The following TDRD12 variants were observed in gnomAD, a reference collection of about 807,000 sequenced individuals.
TDRD12 encodes tudor domain containing 12.
In TDRD12, 158 loss-of-function variants were observed where a neutral mutation model predicts 133.5. The ratio of observed to expected loss-of-function variants is 1.18; its 90% confidence interval spans 1.04 to 1.35. The LOEUF (loss-of-function observed/expected upper bound fraction) is 1.35, where lower values mean the gene tolerates loss of function less well. Ranked by LOEUF, TDRD12 falls within the 40% of genes most tolerant of loss-of-function variation. The pLI, the probability that TDRD12 is intolerant of heterozygous loss-of-function variation, is 0.00. For missense variants in TDRD12, 1,443 were observed against 1,321.3 expected (o/e 1.09, Z -1.43); for synonymous variants, 460 against 477.9 (o/e 0.96, Z 0.49).
chr19:32,819,570 CTCCCACAGCCCCCTT>C (rs1191411345), intron 27 of TDRD12, among the ~76,000 whole-genome samples: 1 of 152,146 alleles, frequency 6.6e-6, no homozygotes. Context: ...TGTGTAAAGG[CTCCCACAGCCCCCTT>C]TCCCACTGTA....
chr19:32,819,375 C>T (rs1404304868), intron 27 of TDRD12, among the ~76,000 whole-genome samples: 6 of 151,098 alleles, frequency 4.0e-5, no homozygotes, highest in Non-Finnish European at 8.8e-5. Flanking sequence ...AGTTTTTTAC[C>T]TTAATAAAAA....
intron 11 of TDRD12, among the ~76,000 whole-genome samples, chr19:32,777,785 T>C (rs1599571949): frequency 8.9e-6 from 1 of 111,922 alleles, no homozygotes; most frequent in East Asian, 2.8e-4. Flanking sequence ...GCTGGGACCA[T>C]AGGCATGCAC....
chr19:32,802,693 C>G (rs754001972), exon 20 of TDRD12: 1 of 1,536,084 alleles, frequency 6.5e-7, no homozygotes, highest in African/African-American at 1.4e-5. Flanking sequence ...TGGCCATCAC[C>G]GATGCCACGT....
In TDRD12 at chr19:32,723,054, A is replaced by G. The variant is rs112987710; in HGVS notation, c.24+2958A>G. On this transcript the variant is annotated intron_variant, in intron 1 of 27. Transcript: ENST00000444215. Reference sequence around the variant, plus strand: ...ATATATGATCCGAGTTAATTTTTGTATATGGTGCAAGGAATGGATGAAGTT... The same window carrying G: ...ATATATGATCCGAGTTAATTTTTGTGTATGGTGCAAGGAATGGATGAAGTT... 4.7e-4 allele frequency among the ~76,000 whole-genome samples: 71 copies of G among 152,186 alleles called. 1 individual carries two copies. Among genetic ancestry groups the G allele is most frequent in the African/African-American group, 1.7e-3 (71 of 41,528 alleles).
intron 16 of TDRD12, among the ~76,000 whole-genome samples, chr19:32,799,475 G>A (rs759020256): frequency 1.2e-4 from 19 of 152,028 alleles, no homozygotes; most frequent in Non-Finnish European, 2.5e-4. Context: ...TATTTTTTAG[G>A]TTGAACATTA....
rs538621090 is a variant in TDRD12, at chr19:32,818,142, A to G, written c.3368A>G (p.Glu1123Gly). Residue 1123 changes from glutamate to glycine, a missense_variant, in exon 27 of 28, where the codon GAG (glutamate) becomes GGG (glycine). Glu to Gly is a moderately conservative substitution (Grantham distance 98). Coordinates refer to ENST00000444215, the Ensembl canonical transcript of TDRD12. ...CAAGACCAGGATCATCCATCCGAGG[A>G]GCAGGGGGGGCAGGGGTGAGTAAGA... 2.1e-4 allele frequency: 145 copies of G among 702,352 alleles called. No homozygotes were observed. In the African/African-American group the frequency reaches 2.4e-3, roughly 12 times the overall value. 43.5% of individuals were successfully genotyped at this position (702,352 alleles called of 1,614,324 possible). A position where few individuals can be genotyped will look rare whatever the true frequency, so the allele number is the denominator to read the frequency against.
chr19:32,823,714 GAA>G (rs1485402337), downstream of TDRD12, among the ~76,000 whole-genome samples: 1 of 152,226 alleles, frequency 6.6e-6, no homozygotes, highest in East Asian at 1.9e-4. Flanking sequence ...AAGAGTTCTG[GAA>G]AAGACAGTTT....
At chr19:32,777,149 T>C in exon 11 of TDRD12, 2 of 1,534,606 alleles carry the variant, frequency 1.3e-6, no homozygotes, top group Non-Finnish European at 1.8e-6. Context: ...TCATTTCTAG[T>C]GCTTTAAGTC....
chr19:32,827,243 T>C, exon 10 of TDRD12: 26 of 1,231,810 alleles, frequency 2.1e-5, no homozygotes, highest in Non-Finnish European at 2.6e-5. Context: ...ATGACGACAG[T>C]GAGAGTGAAA....
At chr19:32,792,613 A>G (rs1254047073) in intron 13 of TDRD12, among the ~76,000 whole-genome samples, 1 of 152,200 alleles carries the variant, frequency 6.6e-6, no homozygotes, top group African/African-American at 2.4e-5. Context: ...TTTCTGAAAA[A>G]TGGGATTTCT....
chr19:32,742,802 G>A (rs891751891), exon 4 of TDRD12: 16 of 1,551,678 alleles, frequency 1.0e-5, no homozygotes, highest in African/African-American at 6.8e-5. Context: ...TAGTAGAATC[G>A]TTTATGCAGC....
intron 11 of TDRD12, among the ~76,000 whole-genome samples, chr19:32,782,975 C>T (rs567128172): frequency 2.0e-5 from 3 of 152,316 alleles, no homozygotes; most frequent in Non-Finnish European, 4.4e-5. Context: ...TAATTAGATT[C>T]TATTTGTCAA....
Position 32,794,863 on chromosome 19 carries a change from T to A in TDRD12, c.1473+50T>A, listed in dbSNP as rs555070709. 334 of 682,494 alleles carry A rather than the reference T, an allele frequency of 4.9e-4. 1 individual carries two copies. The Middle Eastern group carries it at 1.0e-2, about 20-fold the overall frequency. The allele number at this position is 682,494 out of a possible 1,614,324, so 42.3% of individuals were successfully genotyped here. On this transcript the variant is annotated intron_variant, in intron 14 of 27. Coordinates refer to ENST00000444215, the Ensembl canonical transcript of TDRD12. ...ACAACCAAATGGGTTAAATATTTAT[T>A]TTAAAATTATACACCTCACCTTTGA...
Position 32,759,947 on chromosome 19 carries a change from C to T in TDRD12, c.865+2817C>T, listed in dbSNP as rs116119682. Among the ~76,000 whole-genome samples, 606 of 152,330 alleles carry T rather than the reference C, an allele frequency of 4.0e-3. 7 individuals carry two copies. The highest frequency in any genetic ancestry group is 0.014 in the African/African-American group (568 of 41,568). On this transcript the variant is annotated intron_variant, in intron 8 of 27. Transcript: ENST00000444215. ...AGCGCCTGGCCTGTGGCAGCCTCAG[C>T]GCATGTGGCCCCTGCCCCAGATTCT...
intron 11 of TDRD12, among the ~76,000 whole-genome samples, chr19:32,780,083 T>A (rs1258454086): frequency 1.7e-5 from 2 of 116,626 alleles, no homozygotes; most frequent in Non-Finnish European, 3.5e-5. Context: ...TTTTTTCTTT[T>A]CTTTTTTTTT....
exon 8 of TDRD12, chr19:32,826,302 A>G: frequency 7.0e-7 from 1 of 1,434,440 alleles, no homozygotes; most frequent in Non-Finnish European, 9.1e-7. Flanking sequence ...AAAGATAAGA[A>G]TAAGGAATGT....
intron 4 of TDRD12, among the ~76,000 whole-genome samples, chr19:32,747,283 A>T (rs1038730851): frequency 6.6e-6 from 1 of 152,166 alleles, no homozygotes; most frequent in Non-Finnish European, 1.5e-5. Context: ...TTATTAGGTA[A>T]TTCTTTGTGT....
At chr19:32,770,199 G>T (rs547119307) in intron 8 of TDRD12, among the ~76,000 whole-genome samples, 179 of 152,004 alleles carry the variant, frequency 1.2e-3, no homozygotes, top group African/African-American at 4.2e-3. Flanking sequence ...TAGAGACAGG[G>T]TTTCACCATG....
intron 2 of TDRD12, among the ~76,000 whole-genome samples, chr19:32,732,967 G>C (rs557348772): frequency 6.6e-6 from 1 of 152,170 alleles, no homozygotes; most frequent in Non-Finnish European, 1.5e-5. Flanking sequence ...GAGCCTAGGA[G>C]TTTTGTGAAC....
Sources: allele counts gnomAD v4.1 joint callset (sites outside exome capture counted in the v4.1 genomes callset), GRCh38; gene constraint gnomAD v4.1.1; transcripts MANE v1.5; gene names NCBI Gene and HGNC (gene_info 2026-07-23, HGNC 2026-07-21).